The following EEF2KMT variants were observed in gnomAD, a reference collection of about 807,000 sequenced individuals.
EEF2KMT encodes the protein eukaryotic elongation factor 2 lysine methyltransferase.
In EEF2KMT, 30 loss-of-function variants were observed where a neutral mutation model predicts 35.1. The ratio of observed to expected loss-of-function variants is 0.85; its 90% confidence interval spans 0.64 to 1.16. EEF2KMT has a LOEUF of 1.16. EEF2KMT is among the 50% of genes most tolerant of loss of function. The pLI is 0.00. For synonymous variants in EEF2KMT, 190 were observed against 187.7 expected, an observed-to-expected ratio of 1.01 and a Z score of -0.10; for missense variants, 499 against 438.2, an observed-to-expected ratio of 1.14 and a Z score of -1.24.
intron 7 of EEF2KMT, chr16:5,087,170 G>C (rs1316981280): frequency 6.6e-6 from 1 of 152,078 alleles, no homozygotes; most frequent in Admixed American, 6.6e-5. Context: ...GAATCGCCTT[G>C]GGCCACGCAT....
intron 2 of EEF2KMT, 60 bp downstream of exon 2, chr16:5,095,392 G>A: frequency 6.2e-7 from 1 of 1,607,922 alleles, no homozygotes; most frequent in Non-Finnish European, 8.5e-7. Context: ...TCTTCTCTCA[G>A]GTCTTCTGGA....
chr16:5,097,704 C>T lies in EEF2KMT; in HGVS notation c.36G>A (p.Leu12=), dbSNP rs1460756036. The T allele has an allele frequency of 2.5e-6, 4 of 1,579,894 alleles. No homozygotes were observed. The highest frequency in any genetic ancestry group is 1.8e-5 in the Admixed American group (1 of 56,236). ...APEENAGTEL[L]LQSFERRFLA... is the part of the protein sequence containing the mutation. ...GGAAGCGGCGCTCGAAACTCTGCAG[C>T]AAGAGTTCGGTCCCCGCGTTCTCCT... The change falls in exon 1 of 8, where the codon TTG becomes TTA. Residue 12 remains leucine (L), a synonymous_variant. Coordinates refer to ENST00000427587, the MANE Select transcript of EEF2KMT (RefSeq NM_201400.4).
intron 1 of EEF2KMT, chr16:5,097,225 G>T: frequency 8.5e-7 from 1 of 1,175,202 alleles, no homozygotes; most frequent in Non-Finnish European, 1.1e-6. Context: ...TGAGAATACT[G>T]AGGCACGAGG....
intron 3 of EEF2KMT, among the ~76,000 whole-genome samples, chr16:5,092,932 C>T (rs1022927009): frequency 1.3e-5 from 2 of 151,960 alleles, no homozygotes; most frequent in African/African-American, 2.4e-5. Flanking sequence ...GGTAATCCAG[C>T]CTGGGCAACA....
Position 5,097,629 on chromosome 16 carries a change from C to T in EEF2KMT, c.96+15G>A. ...CGCGAGCCCCGCGGGCCTCTCCGCT[C>T]GCCCCGCCGCCCACCTGCCAGGGGA... On this transcript the variant is annotated intron_variant, in intron 1 of 7. Transcript: ENST00000427587. The T allele has an allele frequency of 6.5e-7, 1 of 1,547,474 alleles. No individual in the cohort carries two copies. The highest frequency in any genetic ancestry group is 8.7e-7 in the Non-Finnish European group (1 of 1,153,116).
In EEF2KMT at chr16:5,084,518, T is replaced by C; in HGVS notation, c.*1114A>G. 2 of 700,226 alleles carry C rather than the reference T, an allele frequency of 2.9e-6. No homozygotes were observed. The highest frequency in any genetic ancestry group is 2.7e-5 in the East Asian group (1 of 36,594). The allele number at this position is 700,226 out of a possible 1,614,324, so 43.4% of individuals were successfully genotyped here. On this transcript the variant is annotated 3_prime_UTR_variant, in exon 8 of 8. Transcript: ENST00000427587. The stretch of plus-strand genomic sequence containing the variant: ...GCAGCACGTAGAGGCCGGGAGGTGC[T>C]CCAGGGCACCAAGTGTGGGAAAGTG...
In EEF2KMT at chr16:5,089,149, C is replaced by A. The variant is rs377526564; in HGVS notation, c.850G>T (p.Val284Phe). 4 of 1,612,476 alleles carry A rather than the reference C, an allele frequency of 2.5e-6. No individual in the cohort carries two copies. In the Admixed American group the frequency reaches 6.7e-5, roughly 27 times the overall value. The change falls in exon 7 of 8, where the codon GTC (valine) becomes TTC (phenylalanine). Residue 284 changes from valine to phenylalanine, a missense_variant. Physicochemically the swap from Val to Phe is conservative, Grantham distance 50. Coordinates refer to ENST00000427587, the MANE Select transcript of EEF2KMT (RefSeq NM_201400.4). ...RAPEVYVAFT[V>F]RNPETCQLFT... ...AGCTGGCACGTCTCTGGGTTGCGGA[C>A]GGTAAAGGCCACGTAGACCTCAGGA... is the stretch of plus-strand genomic sequence containing the variant.
chr16:5,089,814 GA>G (rs1475064547), intron 6 of EEF2KMT, among the ~76,000 whole-genome samples: 1 of 152,194 alleles, frequency 6.6e-6, no homozygotes, highest in Non-Finnish European at 1.5e-5. Flanking sequence ...TGTGGTCTCT[GA>G]AGGACACAGG....
intron 2 of EEF2KMT, 178 bp downstream of exon 2, chr16:5,095,274 C>G (rs1349170679): frequency 1.2e-6 from 1 of 833,904 alleles, no homozygotes; most frequent in Non-Finnish European, 1.9e-6. Context: ...AAATAGAAAA[C>G]GAAAGCGCTG....
At chr16:5,089,598 G>C (rs1957296831) in intron 6 of EEF2KMT, among the ~76,000 whole-genome samples, 2 of 152,216 alleles carry the variant, frequency 1.3e-5, no homozygotes, top group Non-Finnish European at 2.9e-5. Context: ...TGATTTGTCT[G>C]CTGGCTTGCA....
At chr16:5,093,694 G>A (rs568568002) in intron 2 of EEF2KMT, 130 bp from the exon 3 acceptor site, 5 of 1,510,798 alleles carry the variant, frequency 3.3e-6, no homozygotes, top group Admixed American at 2.2e-5. Context: ...TGGACACAGC[G>A]TTTTGGCCCC....
At position 5,084,484 on chromosome 16, in the gene EEF2KMT, G is replaced by A. The variant is rs1215350588; in HGVS notation, c.*1148C>T. ...AGAGGCCGAGAGGAGGGTGCTCACA[G>A]GGGAATGGGCAGCACGTAGAGGCCG... On this transcript the variant is annotated 3_prime_UTR_variant, in exon 8 of 8. Transcript: ENST00000427587. 5.5e-5 allele frequency: 33 copies of A among 600,528 alleles called. No homozygotes were observed. The highest frequency in any genetic ancestry group is 1.8e-5 in the Non-Finnish European group (6 of 340,062). 37.2% of individuals were successfully genotyped at this position (600,528 alleles called of 1,614,324 possible).
chr16:5,085,041 G>C lies in EEF2KMT; in HGVS notation c.*591C>G. 1 of 1,365,358 alleles carries C rather than the reference G, an allele frequency of 7.3e-7. No individual in the cohort carries two copies. The highest frequency in any genetic ancestry group is 1.0e-6 in the Non-Finnish European group (1 of 996,290). The allele number at this position is 1,365,358 out of a possible 1,614,324, so 84.6% of individuals were successfully genotyped here. On this transcript the variant is annotated 3_prime_UTR_variant, in exon 8 of 8. Transcript: ENST00000427587. ...GGTAAAAGAATTGGTTCTGTGACCC[G>C]GGAAGCTTTGGTTGGCCTTGATTTC... is the stretch of plus-strand genomic sequence containing the variant.
intron 1 of EEF2KMT, 86 bp downstream of exon 1, chr16:5,097,558 C>T (rs2142792879): frequency 6.6e-7 from 1 of 1,517,060 alleles, no homozygotes; most frequent in South Asian, 1.2e-5. Context: ...GGCGGGAGCG[C>T]CAGGGGCTTC....
intron 1 of EEF2KMT, among the ~76,000 whole-genome samples, chr16:5,095,891 C>G (rs1214967225): frequency 2.7e-5 from 4 of 146,234 alleles, no homozygotes; most frequent in African/African-American, 1.0e-4. Flanking sequence ...TATCCTCTTA[C>G]AGGGGCCTCA....
intron 3 of EEF2KMT, among the ~76,000 whole-genome samples, chr16:5,092,872 G>GT (rs1158129958): frequency 6.6e-6 from 1 of 152,232 alleles, no homozygotes; most frequent in Admixed American, 6.5e-5. Context: ...TGGCATGACA[G>GT]TTGCTTGAAC....
At chr16:5,089,076 C>T in intron 7 of EEF2KMT, 31 bp downstream of exon 7, 1 of 1,611,432 alleles carries the variant, frequency 6.2e-7, no homozygotes, top group East Asian at 2.2e-5. Flanking sequence ...GCTCAGGGAC[C>T]ATGCAGGCCC....
At chr16:5,095,575 A>G (rs1335902335) in intron 1 of EEF2KMT, 61 bp from the exon 2 acceptor site, 4 of 1,607,264 alleles carry the variant, frequency 2.5e-6, no homozygotes, top group African/African-American at 2.7e-5. Flanking sequence ...TAAACACGCA[A>G]TAGAATGTGT....
At position 5,089,149 on chromosome 16, in the gene EEF2KMT, C is replaced by T. The variant is rs377526564; in HGVS notation, c.850G>A (p.Val284Ile). The change falls in exon 7 of 8, where the codon GTC becomes ATC. Residue 284 changes from valine (V) to isoleucine (I), a missense_variant. Val to Ile is a conservative substitution (Grantham distance 29). Transcript: ENST00000427587. ...RAPEVYVAFT[V>I]RNPETCQLFT... ...AGCTGGCACGTCTCTGGGTTGCGGA[C>T]GGTAAAGGCCACGTAGACCTCAGGA... 2.7e-4 allele frequency: 443 copies of T among 1,612,594 alleles called. 1 individual carries two copies. Among genetic ancestry groups the T allele is most frequent in the Non-Finnish European group, 3.5e-4 (409 of 1,179,864 alleles).
Sources: gnomAD v4.1 joint callset for allele counts (sites outside exome capture counted in the v4.1 genomes callset) on GRCh38, gnomAD v4.1.1 for gene constraint, MANE v1.5 for transcripts, NCBI Gene and HGNC (gene_info 2026-07-23, HGNC 2026-07-21) for gene names.